AKAP13: variants seen among roughly 807,000 people sequenced by gnomAD.
AKAP13 encodes the protein A-kinase anchor protein 13.
In AKAP13, 80 loss-of-function variants were observed where a neutral mutation model predicts 264.5. The ratio of observed to expected loss-of-function variants is 0.30; its 90% confidence interval spans 0.25 to 0.36. The LOEUF (loss-of-function observed/expected upper bound fraction) is 0.36. AKAP13 is among the 10% of genes least tolerant of loss of function. The pLI is 1.00. For synonymous variants in AKAP13, 1,380 were observed against 1,250.2 expected, an observed-to-expected ratio of 1.10 and a Z score of -2.19; for missense variants, 3,712 against 3,435.2, an observed-to-expected ratio of 1.08 and a Z score of -2.01.
chr15:85,668,940 C>G (rs28523938), intron 13 of AKAP13, among the ~76,000 whole-genome samples: 15,154 of 151,690 alleles, frequency 0.1, 958 homozygotes, highest in African/African-American at 0.18. Context: ...GAGACTCTGT[C>G]TCAAAAATAA....
At chr15:85,677,212 C>T (rs1434354543) in intron 14 of AKAP13, 5 of 847,530 alleles carry the variant, frequency 5.9e-6, no homozygotes, top group Non-Finnish European at 7.1e-6. Context: ...TCTTGCATGC[C>T]ATCCTTTGTA....
intron 9 of AKAP13, among the ~76,000 whole-genome samples, chr15:85,643,034 C>T (rs1322979142): frequency 1.8e-5 from 1 of 54,884 alleles, no homozygotes; most frequent in Admixed American, 1.7e-4. Context: ...AAAAAAAAAC[C>T]TCCAGAATAC....
rs117327642 is a variant in AKAP13, at chr15:85,501,107, C to T, written c.33+15354C>T. Among the ~76,000 whole-genome samples, 1,084 of 152,286 alleles carry T rather than the reference C, an allele frequency of 7.1e-3. 4 individuals are homozygous for T. The highest frequency in any genetic ancestry group is 0.02 in the Middle Eastern group (6 of 294). ...GGGGTGATCTTCACCTACCATCACT[C>T]GTGAACACCATTTTCTTCTCAATCA... On this transcript the variant is annotated intron_variant, in intron 2 of 36. Coordinates refer to ENST00000394518, the MANE Select transcript of AKAP13 (RefSeq NM_007200.5).
intron 3 of AKAP13, among the ~76,000 whole-genome samples, chr15:85,527,088 G>T (rs540959485): frequency 6.6e-6 from 1 of 151,862 alleles, no homozygotes; most frequent in Non-Finnish European, 1.5e-5. Context: ...CCGAGTTCCC[G>T]AGTAGCTGGG....
At chr15:85,482,535 C>T (rs1682934285) in intron 1 of AKAP13, among the ~76,000 whole-genome samples, 1 of 152,010 alleles carries the variant, frequency 6.6e-6, no homozygotes, top group South Asian at 2.1e-4. Context: ...GGATGGGGCT[C>T]GAGGTATAGG....
chr15:85,399,535 A>AAAAAAAAAAAAAATAAAT (rs1567038735), intron 1 of AKAP13, among the ~76,000 whole-genome samples: 2 of 105,596 alleles, frequency 1.9e-5, no homozygotes, highest in East Asian at 2.4e-4. Context: ...AAAAAATAAA[A>AAAAAAAAAAAAAATAAAT]AAATAAATAA....
At chr15:85,547,976 G>A (rs1567118271) in intron 5 of AKAP13, among the ~76,000 whole-genome samples, 1 of 152,170 alleles carries the variant, frequency 6.6e-6, no homozygotes, top group East Asian at 1.9e-4. Flanking sequence ...CCAGTTTGCA[G>A]GCTCTTGGTG....
At chr15:85,741,618 G>C in intron 35 of AKAP13, 123 bp downstream of exon 35, 1 of 1,377,606 alleles carries the variant, frequency 7.3e-7, no homozygotes, top group South Asian at 1.6e-5. Context: ...GCTCATGCCT[G>C]TGATCCCAGC....
intron 1 of AKAP13, among the ~76,000 whole-genome samples, chr15:85,429,659 T>C (rs1192425935): frequency 6.6e-6 from 1 of 152,098 alleles, no homozygotes; most frequent in African/African-American, 2.4e-5. Context: ...AACCAAACCA[T>C]TGGCTGTTCA....
rs1222397808 is a variant in AKAP13, at chr15:85,637,910, C to G, written c.4162-1464C>G. On this transcript the variant is annotated intron_variant, in intron 8 of 36. Coordinates refer to ENST00000394518, the MANE Select transcript of AKAP13 (RefSeq NM_007200.5). ...TTTTTTTTTTTTTTTTTTTTAATCT[C>G]TGTCACCCAGGCTGGAGTGCAGTGG... Among the ~76,000 whole-genome samples, 10 of 120,014 alleles carry G rather than the reference C, an allele frequency of 8.3e-5. No homozygotes were observed. The South Asian group carries it at 2.7e-3, about 32-fold the overall frequency. The allele number at this position is 120,014 out of a possible 152,430, so 78.7% of individuals were successfully genotyped here.
intron 8 of AKAP13, among the ~76,000 whole-genome samples, chr15:85,633,368 C>CG (rs144422261): frequency 0.19 from 28,118 of 145,512 alleles, 3,266 homozygotes; most frequent in Middle Eastern, 0.41. Flanking sequence ...ATAATAGGGG[C>CG]GGGGGGGGAG....
intron 1 of AKAP13, among the ~76,000 whole-genome samples, chr15:85,399,964 A>T (rs1481431831): frequency 1.3e-5 from 2 of 152,214 alleles, no homozygotes; most frequent in East Asian, 3.9e-4. Context: ...TATTTATTTC[A>T]TTATTATTTT....
At chr15:85,534,122 T>C in intron 4 of AKAP13, 1 of 447,272 alleles carries the variant, frequency 2.2e-6, no homozygotes, top group Non-Finnish European at 3.9e-6. Flanking sequence ...GCACGTCACC[T>C]TCCTGTGGGT....
intron 5 of AKAP13, among the ~76,000 whole-genome samples, chr15:85,558,316 A>G (rs2078225674): frequency 6.6e-6 from 1 of 152,196 alleles, no homozygotes; most frequent in Non-Finnish European, 1.5e-5. Context: ...ATGAGGACCT[A>G]TTTTATTAAT....
At chr15:85,495,345 C>CCA (rs1208728915) in intron 2 of AKAP13, among the ~76,000 whole-genome samples, 2 of 152,080 alleles carry the variant, frequency 1.3e-5, no homozygotes, top group Non-Finnish European at 2.9e-5. Context: ...AGCTGTAACT[C>CCA]CAGAGTGGCT....
At chr15:85,597,982 T>C (rs2079892222) in intron 8 of AKAP13, among the ~76,000 whole-genome samples, 3 of 152,088 alleles carry the variant, frequency 2.0e-5, no homozygotes, top group Non-Finnish European at 4.4e-5. Context: ...AAAAGCAGAA[T>C]TGTAAGATCC....
chr15:85,386,192 GT>G (rs975076796), intron 1 of AKAP13, among the ~76,000 whole-genome samples: 1 of 151,704 alleles, frequency 6.6e-6, no homozygotes, highest in Admixed American at 6.6e-5. Flanking sequence ...GTGTTTTTTT[GT>G]TTTTTTGTTT....
chr15:85,469,790 C>T (rs1045059633), intron 1 of AKAP13, among the ~76,000 whole-genome samples: 4 of 152,222 alleles, frequency 2.6e-5, no homozygotes, highest in African/African-American at 9.6e-5. Context: ...TGAAAACTGT[C>T]AACTCCAGTT....
chr15:85,520,111 G>A (rs1192977135), intron 2 of AKAP13, among the ~76,000 whole-genome samples: 1 of 151,940 alleles, frequency 6.6e-6, no homozygotes, highest in African/African-American at 2.4e-5. Flanking sequence ...TTCGTAATTG[G>A]GAGAATGCTA....
Sources: allele counts gnomAD v4.1 joint callset (sites outside exome capture counted in the v4.1 genomes callset), GRCh38; gene constraint gnomAD v4.1.1; transcripts MANE v1.5; gene names NCBI Gene and HGNC (gene_info 2026-07-23, HGNC 2026-07-21).